Variants in GPR17 observed in about 807,000 individuals in gnomAD.
GPR17 encodes G protein-coupled receptor 17.
In GPR17, 4 loss-of-function variants were observed where a neutral mutation model predicts 1.5. The ratio of observed to expected loss-of-function variants is 2.73; its 90% CI spans 1.35 to 6.25. The LOEUF (loss-of-function observed/expected upper bound fraction) is 6.25, where lower values mean the gene tolerates loss of function less well. Ranked by LOEUF, GPR17 falls within the 30% of genes most tolerant of loss-of-function variation. The pLI is 0.00. For synonymous variants in GPR17, 209 were observed against 207.6 expected, an observed-to-expected ratio of 1.01 and a Z score of -0.06; for missense variants, 463 against 462.1, an observed-to-expected ratio of 1.00 and a Z score of -0.02.
chr2:127,648,912 T>C (rs1469453204), intron 1 of GPR17, among the ~76,000 whole-genome samples: 1 of 129,302 alleles, frequency 7.7e-6, no homozygotes. Context: ...GAGGGAGACC[T>C]TGAAAAAGAG....
intron 1 of GPR17, among the ~76,000 whole-genome samples, chr2:127,646,970 A>C (rs933017039): frequency 6.6e-6 from 1 of 152,218 alleles, no homozygotes; most frequent in Non-Finnish European, 1.5e-5. Flanking sequence ...AAAGCTGTTT[A>C]AAATGGAGTC....
Position 127,650,768 on chromosome 2 carries a change from G to C in GPR17, c.33G>C (p.Leu11=). The change falls in exon 2 of 2, where the codon CTG becomes CTC. Residue 11 remains leucine, a synonymous_variant. Transcript: ENST00000486700. The stretch of plus-strand genomic sequence containing the variant: ...GCCTTGAAGTGGCTCCCCCAGGTCT[G>C]ATCACCAACTTCTCCCTGGCCACGG... MNGLEVAPPG[L]ITNFSLATAE... 1 of 1,613,848 alleles carries C rather than the reference G, an allele frequency of 6.2e-7. No homozygotes were observed. Among genetic ancestry groups the C allele is most frequent in the Non-Finnish European group, 8.5e-7 (1 of 1,179,894 alleles).
chr2:127,650,148 G>A, intron 1 of GPR17: 3 of 1,370,776 alleles, frequency 2.2e-6, no homozygotes, highest in South Asian at 2.5e-5. Context: ...ACCCTCCTAA[G>A]TGCCAGGGGC....
rs762560756 is a variant in GPR17 at position 127,652,538 on chromosome 2, C to G, written c.*783C>G. ...CACTTCCTCCAGAGAGGCCTCTCTC[C>G]GCCTGAGCTATTTCCCTTGCTAGTG... On this transcript the variant is annotated 3_prime_UTR_variant, in exon 2 of 2. Transcript: ENST00000486700. 6.0e-6 allele frequency: 1 copy of G among 166,846 alleles called. No homozygotes were observed. The highest frequency in any genetic ancestry group is 2.4e-5 in the African/African-American group (1 of 41,478). 10.3% of individuals were successfully genotyped at this position (166,846 alleles called of 1,614,324 possible). A position where few individuals can be genotyped will look rare whatever the true frequency, so the allele number is the denominator to read the frequency against.
At position 127,647,149 on chromosome 2, in the gene GPR17, T is replaced by C. The variant is rs775997765; in HGVS notation, c.-21+905T>C. 6.6e-6 allele frequency among the ~76,000 whole-genome samples: 1 copy of C among 152,212 alleles called. No individual in the cohort carries two copies. Among genetic ancestry groups the C allele is most frequent in the Non-Finnish European group, 1.5e-5 (1 of 68,034 alleles). ...CAGGGCCCTGAGCCCAGTAACACTC[T>C]GCCGTCACTGTCCTGAAACTCTTCC... On this transcript the variant is annotated intron_variant, in intron 1 of 1. Transcript: ENST00000486700. This position sits in a 1 kb window ranked among gnomAD's most constrained non-coding sequence, Gnocchi z 4.3.
chr2:127,650,487 C>T (rs535593551), intron 1 of GPR17: 19 of 566,528 alleles, frequency 3.4e-5, no homozygotes, highest in Middle Eastern at 4.7e-4. Context: ...TGCATAGCGG[C>T]GAAATTCCAA....
intron 1 of GPR17, among the ~76,000 whole-genome samples, chr2:127,648,481 T>C (rs1174736326): frequency 1.3e-5 from 2 of 152,104 alleles, no homozygotes; most frequent in African/African-American, 4.8e-5. Flanking sequence ...GCCACCACCA[T>C]GCCTGCTTCT....
At chr2:127,649,954 G>T in intron 1 of GPR17, 1 of 1,422,230 alleles carries the variant, frequency 7.0e-7, no homozygotes, top group South Asian at 1.2e-5. Context: ...AATACTCCCA[G>T]CTGGCCTGAT....
At position 127,650,833 on chromosome 2, in the gene GPR17, T is replaced by A. The variant is rs1683681322; in HGVS notation, c.98T>A (p.Leu33Gln). The part of the protein sequence containing the change: ...CGQETPLENM[L>Q]FASFYLLDFI... ...CAGGAGACGCCACTGGAGAACATGC[T>A]GTTCGCCTCCTTCTACCTTCTGGAT... The change falls in exon 2 of 2, where the codon CTG (leucine) becomes CAG (glutamine). Residue 33 changes from leucine (L) to glutamine (Q), a missense_variant. Coordinates refer to ENST00000486700, the MANE Select transcript of GPR17 (RefSeq NM_001161417.2). The A allele has an allele frequency of 6.2e-7, 1 of 1,613,996 alleles. No homozygotes were observed. The highest frequency in any genetic ancestry group is 1.7e-5 in the Admixed American group (1 of 60,014).
In GPR17 at chr2:127,651,331, T is replaced by C. The variant is rs1683757408; in HGVS notation, c.596T>C (p.Val199Ala). The change falls in exon 2 of 2, where the codon GTG becomes GCG. Residue 199 changes from valine (V) to alanine (A), a missense_variant. Val to Ala is a moderately conservative substitution (Grantham distance 64, BLOSUM62 0). Coordinates refer to ENST00000486700, the MANE Select transcript of GPR17 (RefSeq NM_001161417.2). ...ASHHALVSLA[V>A]AFTFPFITTV... ...CACCATGCCCTGGTGTCCCTGGCAGTGGCCTTCACCTTCCCGTTCATCACC... is the reference window on the plus strand; with the variant it reads ...CACCATGCCCTGGTGTCCCTGGCAGCGGCCTTCACCTTCCCGTTCATCACC... 3 of 1,611,086 alleles carry C rather than the reference T, an allele frequency of 1.9e-6. No individual in the cohort carries two copies. The highest frequency in any genetic ancestry group is 1.3e-5 in the African/African-American group (1 of 74,936).
rs747360576 is a variant in GPR17 at position 127,650,921 on chromosome 2, C to T, written c.186C>T (p.Ser62=). 1.7e-5 allele frequency: 28 copies of T among 1,614,004 alleles called. No individual in the cohort carries two copies. Among genetic ancestry groups the T allele is most frequent in the East Asian group, 2.2e-5 (1 of 44,882 alleles). ...GGCTTTTCATCCGAGACCACAAGTC[C>T]GGGACCCCGGCCAACGTGTTCCTGA... The part of the protein sequence containing the change: ...ALWLFIRDHK[S]GTPANVFLMH... The change falls in exon 2 of 2, where the codon TCC becomes TCT. Residue 62 remains serine, a synonymous_variant. Coordinates refer to ENST00000486700, the MANE Select transcript of GPR17 (RefSeq NM_001161417.2).
At position 127,651,474 on chromosome 2, in the gene GPR17, T is replaced by C. The variant is rs1683780046; in HGVS notation, c.739T>C (p.Cys247Arg). 4 of 1,612,812 alleles carry C rather than the reference T, an allele frequency of 2.5e-6. No homozygotes were observed. Among genetic ancestry groups the C allele is most frequent in the East Asian group, 2.2e-5 (1 of 44,906 alleles). The change falls in exon 2 of 2, where the codon TGC (cysteine) becomes CGC (arginine). Residue 247 changes from cysteine to arginine, a missense_variant. Transcript: ENST00000486700. The stretch of plus-strand genomic sequence containing the variant: ...CATAGTGCTGGCCATCTTCCTGGTC[T>C]GCTTCGTGCCCTACCACGTCAACCG... ...IAIVLAIFLV[C>R]FVPYHVNRSV...
chr2:127,647,762 C>G lies in GPR17; in HGVS notation c.-21+1518C>G, dbSNP rs996203288. 2.0e-5 allele frequency among the ~76,000 whole-genome samples: 3 copies of G among 152,104 alleles called. No homozygotes were observed. The highest frequency in any genetic ancestry group is 7.2e-5 in the African/African-American group (3 of 41,404). ...CCTCCCATCTACCATGGGCTGTCCT[C>G]TCTGCTTGCCCATGCGTCTGCCCTG... On this transcript the variant is annotated intron_variant, in intron 1 of 1. Coordinates refer to ENST00000486700, the MANE Select transcript of GPR17 (RefSeq NM_001161417.2). This position sits in a 1 kb window ranked among gnomAD's most constrained non-coding sequence, Gnocchi z 4.3.
chr2:127,651,302 C>T lies in GPR17; in HGVS notation c.567C>T (p.Ala189=), dbSNP rs760709451. The part of the protein sequence containing the change: ...VVCLQLYREK[A]SHHALVSLAV... Reference sequence around the variant, plus strand: ...GCCTGCAGCTGTACCGGGAGAAGGCCTCCCACCATGCCCTGGTGTCCCTGG... The same window carrying T: ...GCCTGCAGCTGTACCGGGAGAAGGCTTCCCACCATGCCCTGGTGTCCCTGG... Residue 189 remains alanine (A), a synonymous_variant, in exon 2 of 2, where the codon GCC becomes GCT. Coordinates refer to ENST00000486700, the MANE Select transcript of GPR17 (RefSeq NM_001161417.2). 8 of 1,609,148 alleles carry T rather than the reference C, an allele frequency of 5.0e-6. No homozygotes were observed. In the South Asian group the frequency reaches 8.8e-5, roughly 18 times the overall value.
chr2:127,651,310 A>G lies in GPR17; in HGVS notation c.575A>G (p.His192Arg), dbSNP rs1281271247. 6.2e-7 allele frequency: 1 copy of G among 1,609,806 alleles called. No individual in the cohort carries two copies. The highest frequency in any genetic ancestry group is 1.1e-5 in the South Asian group (1 of 91,080). ...LQLYREKASH[H>R]ALVSLAVAFT... ...CTGTACCGGGAGAAGGCCTCCCACCATGCCCTGGTGTCCCTGGCAGTGGCC... is the reference window on the plus strand; with the variant it reads ...CTGTACCGGGAGAAGGCCTCCCACCGTGCCCTGGTGTCCCTGGCAGTGGCC... The change falls in exon 2 of 2, where the codon CAT (histidine) becomes CGT (arginine). Residue 192 changes from histidine (H) to arginine (R), a missense_variant. Physicochemically the swap from His to Arg is conservative, Grantham distance 29. Coordinates refer to ENST00000486700, the MANE Select transcript of GPR17 (RefSeq NM_001161417.2).
intron 1 of GPR17, chr2:127,646,521 C>T (rs1225614128): frequency 6.6e-6 from 1 of 152,334 alleles, no homozygotes; most frequent in Non-Finnish European, 1.5e-5. Context: ...ATTAGGCAGC[C>T]TTGACCCATA....
intron 1 of GPR17, among the ~76,000 whole-genome samples, chr2:127,649,155 G>A (rs1389941365): frequency 7.4e-6 from 1 of 135,636 alleles, no homozygotes; most frequent in African/African-American, 2.6e-5. Context: ...AAGTGAGAGA[G>A]AGAGGAAGGT....
Position 127,651,225 on chromosome 2 carries a change from G to A in GPR17, c.490G>A (p.Ala164Thr). The A allele has an allele frequency of 6.2e-7, 1 of 1,608,184 alleles. No homozygotes were observed. Among genetic ancestry groups the A allele is most frequent in the Middle Eastern group, 1.7e-4 (1 of 6,056 alleles). ...GTGGGTGGTGGTGGCTGTGGCCATG[G>A]CCCCGCTGCTGGTGAGCCCACAGAC... is the stretch of plus-strand genomic sequence containing the variant. ...FLWVVVAVAM[A>T]PLLVSPQTVQ... The change falls in exon 2 of 2, where the codon GCC becomes ACC. Residue 164 changes from alanine to threonine, a missense_variant. By Grantham distance (58) the Ala-to-Thr change is moderately conservative. Transcript: ENST00000486700.
rs1030996984 is a variant in GPR17 at position 127,647,441 on chromosome 2, G to A, written c.-21+1197G>A. ...GCCTTGACTCCCTAACCTGCAACAT[G>A]GGGCTAAAACTGGTTTGAGCCAGCA... On this transcript the variant is annotated intron_variant, in intron 1 of 1. Coordinates refer to ENST00000486700, the MANE Select transcript of GPR17 (RefSeq NM_001161417.2). This position sits in a 1 kb window ranked among gnomAD's most constrained non-coding sequence, Gnocchi z 4.3. Among the ~76,000 whole-genome samples the A allele has an allele frequency of 2.0e-5, 3 of 152,148 alleles. No individual in the cohort carries two copies. Among genetic ancestry groups the A allele is most frequent in the East Asian group, 3.9e-4 (2 of 5,184 alleles).
Sources: gnomAD v4.1 joint callset for allele counts (sites outside exome capture counted in the v4.1 genomes callset) on GRCh38, gnomAD v4.1.1 for gene constraint, Gnocchi (gnomAD v3.1) non-coding constraint, MANE v1.5 for transcripts, NCBI Gene and HGNC (gene_info 2026-07-23, HGNC 2026-07-21) for gene names.